The following COLGALT2 variants were observed in gnomAD, a reference collection of about 807,000 sequenced individuals.
COLGALT2 encodes the protein procollagen galactosyltransferase 2.
COLGALT2 carries 49 observed loss-of-function variants against 73.4 expected under a neutral mutation model. The observed-to-expected ratio is 0.67, with a 90% confidence interval of 0.53 to 0.85. The LOEUF is 0.85. Ranked by LOEUF, COLGALT2 falls within the 40% of genes least tolerant of loss-of-function variation. The pLI, the probability that COLGALT2 is intolerant of heterozygous loss-of-function variation, is 0.00. For synonymous variants in COLGALT2, 295 were observed against 307.6 expected (o/e 0.96, Z 0.43); for missense variants, 722 against 790.2 (o/e 0.91, Z 1.03).
chr1:184,021,671 A>G (rs1157618561), intron 1 of COLGALT2, among the ~76,000 whole-genome samples: 1 of 152,218 alleles, frequency 6.6e-6, no homozygotes, highest in Non-Finnish European at 1.5e-5. Context: ...TAGCAGCACA[A>G]AACAGACTAA....
intron 1 of COLGALT2, among the ~76,000 whole-genome samples, chr1:183,991,777 G>C (rs1671634090): frequency 6.6e-6 from 1 of 152,158 alleles, no homozygotes; most frequent in South Asian, 2.1e-4. Context: ...GTAAATTGAA[G>C]AGTCCCAAGT....
At chr1:184,012,314 A>G (rs1333616772) in intron 1 of COLGALT2, among the ~76,000 whole-genome samples, 1 of 152,254 alleles carries the variant, frequency 6.6e-6, no homozygotes, top group Non-Finnish European at 1.5e-5. Context: ...TTATTCAGAG[A>G]TTTTGATAGT....
intron 1 of COLGALT2, among the ~76,000 whole-genome samples, chr1:184,018,869 T>C (rs1558339573): frequency 1.3e-5 from 2 of 152,216 alleles, no homozygotes; most frequent in South Asian, 2.1e-4. Flanking sequence ...GCAGTAAAAA[T>C]GCCAAATGCA....
chr1:184,004,231 A>G (rs1011458230), intron 1 of COLGALT2, among the ~76,000 whole-genome samples: 2 of 152,084 alleles, frequency 1.3e-5, no homozygotes, highest in Non-Finnish European at 2.9e-5. Context: ...AAAGGTTGTC[A>G]CTCTTCCCTA....
At chr1:183,930,501 A>G (rs983558352) in intron 11 of COLGALT2, among the ~76,000 whole-genome samples, 5 of 150,658 alleles carry the variant, frequency 3.3e-5, no homozygotes, top group South Asian at 2.1e-4. Context: ...CGATTCTCCA[A>G]CCTCAGCCTC....
intron 1 of COLGALT2, among the ~76,000 whole-genome samples, chr1:184,004,109 A>C (rs1038505660): frequency 6.6e-6 from 1 of 152,206 alleles, no homozygotes; most frequent in African/African-American, 2.4e-5. Flanking sequence ...GTGCAGGTTG[A>C]ATATAACCTT....
Position 183,936,615 on chromosome 1 carries a change from A to T in COLGALT2, c.*2146T>A. ...ACCCCAGCCACCTCCCACCCCATTA[A>T]AAAAGTCATTAAAGTCATGCACACA... On this transcript the variant is annotated 3_prime_UTR_variant, in exon 12 of 12. Transcript: ENST00000361927. 8.4e-7 allele frequency: 1 copy of T among 1,193,330 alleles called. No individual in the cohort carries two copies. Among genetic ancestry groups the T allele is most frequent in the Non-Finnish European group, 1.0e-6 (1 of 964,352 alleles). 73.9% of individuals were successfully genotyped at this position (1,193,330 alleles called of 1,614,324 possible).
At chr1:183,944,141 T>G in intron 10 of COLGALT2, 55 bp downstream of exon 10, 1 of 1,538,288 alleles carries the variant, frequency 6.5e-7, no homozygotes, top group Non-Finnish European at 8.7e-7. Flanking sequence ...CTCTGCGCAT[T>G]GGAAAGGACT....
chr1:183,957,941 T>G (rs1670597438), intron 6 of COLGALT2, among the ~76,000 whole-genome samples: 1 of 152,176 alleles, frequency 6.6e-6, no homozygotes, highest in South Asian at 2.1e-4. Flanking sequence ...TACTGTTGTC[T>G]CAAAATGTCA....
At chr1:183,961,865 T>C (rs1481766606) in intron 6 of COLGALT2, among the ~76,000 whole-genome samples, 4 of 152,162 alleles carry the variant, frequency 2.6e-5, no homozygotes, top group Non-Finnish European at 5.9e-5. Context: ...AAAAAGTATG[T>C]ATTAAAGAAA....
rs1572625731 is a variant in COLGALT2, at chr1:183,939,051, G to A, written c.1605-14C>T. Reference sequence around the variant, plus strand: ...TTGTACTCGGCTCTGAAAACAAGAAGGTGGCCGGACACATGAGGGGGCGGA... The same window carrying A: ...TTGTACTCGGCTCTGAAAACAAGAAAGTGGCCGGACACATGAGGGGGCGGA... On this transcript the variant is annotated splice_polypyrimidine_tract_variant and intron_variant, in intron 11 of 11. Coordinates refer to ENST00000361927, the MANE Select transcript of COLGALT2 (RefSeq NM_015101.4). The A allele has an allele frequency of 1.9e-6, 3 of 1,602,830 alleles. No individual in the cohort carries two copies. Among genetic ancestry groups the A allele is most frequent in the East Asian group, 4.5e-5 (2 of 44,656 alleles).
At chr1:183,959,818 C>T (rs964627836) in intron 6 of COLGALT2, among the ~76,000 whole-genome samples, 3 of 152,154 alleles carry the variant, frequency 2.0e-5, no homozygotes, top group Non-Finnish European at 4.4e-5. Flanking sequence ...GACATTTCTT[C>T]TTCCATTACT....
chr1:183,929,997 C>G, exon 12 of COLGALT2: 1 of 267,760 alleles, frequency 3.7e-6, no homozygotes, highest in Non-Finnish European at 7.6e-6. Flanking sequence ...CTCGGTGTTT[C>G]CCTTCCAGTC....
rs148319240 is a variant in COLGALT2 at position 183,957,602 on chromosome 1, T to C, written c.953-2764A>G. Among the ~76,000 whole-genome samples, 34 of 152,306 alleles carry C rather than the reference T, an allele frequency of 2.2e-4. 1 individual carries two copies. The East Asian group carries it at 6.4e-3, about 29-fold the overall frequency. ...TTTTGATTTTTTTCAAACACTTACA[T>C]GCTCTCAGTCTTTCCTATTCTAATT... On this transcript the variant is annotated intron_variant, in intron 6 of 11. Coordinates refer to ENST00000361927, the MANE Select transcript of COLGALT2 (RefSeq NM_015101.4).
rs924230076 is a variant in COLGALT2, at chr1:183,936,524, GAA to G, written c.*2235_*2236del. On this transcript the variant is annotated 3_prime_UTR_variant, in exon 12 of 12. Coordinates refer to ENST00000361927, the MANE Select transcript of COLGALT2 (RefSeq NM_015101.4). The stretch of plus-strand genomic sequence containing the variant: ...GTCAGACCAGCTGACAGGGGAACAG[GAA>G]AAAAAAAATTCTCTATTAAACAAAA... The G allele has an allele frequency of 3.9e-6, 4 of 1,014,936 alleles. No homozygotes were observed. The highest frequency in any genetic ancestry group is 5.8e-5 in the Admixed American group (1 of 17,294). The allele number at this position is 1,014,936 out of a possible 1,614,324, so 62.9% of individuals were successfully genotyped here.
intron 6 of COLGALT2, among the ~76,000 whole-genome samples, chr1:183,962,144 T>C (rs894253391): frequency 3.7e-4 from 54 of 146,196 alleles, no homozygotes; most frequent in African/African-American, 1.2e-3. Context: ...TTTCTTTTCT[T>C]TTTCTCTTTC....
chr1:183,936,298 G>A lies in COLGALT2; in HGVS notation c.*2463C>T. The A allele has an allele frequency of 1.0e-6, 1 of 985,702 alleles. No individual in the cohort carries two copies. The highest frequency in any genetic ancestry group is 1.2e-6 in the Non-Finnish European group (1 of 829,904). 61.1% of individuals were successfully genotyped at this position (985,702 alleles called of 1,614,324 possible). A position where few individuals can be genotyped will look rare whatever the true frequency, so the allele number is the denominator to read the frequency against. On this transcript the variant is annotated 3_prime_UTR_variant, in exon 12 of 12. Transcript: ENST00000361927. ...GAGGTCAAGGAACCTCTGGATTGCT[G>A]AAGAGATGACTTTAAAAAAAAAGTC... is the stretch of plus-strand genomic sequence containing the variant.
chr1:183,953,483 C>T (rs1347068536), intron 7 of COLGALT2, among the ~76,000 whole-genome samples: 1 of 152,078 alleles, frequency 6.6e-6, no homozygotes, highest in African/African-American at 2.4e-5. Context: ...GTTTGGTCCT[C>T]ATAGGAATGT....
At position 183,969,368 on chromosome 1, in the gene COLGALT2, T is replaced by C; in HGVS notation, c.733A>G (p.Lys245Glu). The change falls in exon 5 of 12, where the codon AAG becomes GAG. Residue 245 changes from lysine to glutamate, a missense_variant. Physicochemically the swap from Lys to Glu is moderately conservative, Grantham distance 56 (BLOSUM62 1). Coordinates refer to ENST00000361927, the MANE Select transcript of COLGALT2 (RefSeq NM_015101.4). Reference sequence around the variant, plus strand: ...AAAGTCAGCTTGTCCGAGGCCTCCTTCCTGAGGTCAATTAGGAAGGTGGAG... The same window carrying C: ...AAAGTCAGCTTGTCCGAGGCCTCCTCCCTGAGGTCAATTAGGAAGGTGGAG... The part of the protein sequence containing the change: ...VHSTFLIDLR[K>E]EASDKLTFYP... 6.2e-7 allele frequency: 1 copy of C among 1,613,894 alleles called. No individual in the cohort carries two copies. Among genetic ancestry groups the C allele is most frequent in the Non-Finnish European group, 8.5e-7 (1 of 1,179,888 alleles).
Sources: allele counts gnomAD v4.1 joint callset (sites outside exome capture counted in the v4.1 genomes callset), GRCh38; gene constraint gnomAD v4.1.1; transcripts MANE v1.5; gene names NCBI Gene and HGNC (gene_info 2026-07-23, HGNC 2026-07-21).